Variants in NME7 observed in about 807,000 individuals in gnomAD.
NME7 encodes nucleoside diphosphate kinase 7.
Under a neutral mutation model 49.1 loss-of-function variants are expected in NME7, and 41 were observed. The observed-to-expected ratio is 0.83, with a 90% confidence interval of 0.65 to 1.08. NME7 has a LOEUF of 1.08. Among genes scored for constraint, NME7 ranks in the 50% least tolerant of loss-of-function variants. NME7 has a pLI of 0.00. For missense variants in NME7, 423 were observed against 463.4 expected, an observed-to-expected ratio of 0.91 and a Z score of 0.80; for synonymous variants, 139 against 150.6, an observed-to-expected ratio of 0.92 and a Z score of 0.56.
chr1:169,272,320 T>A (rs1289754113), intron 7 of NME7, among the ~76,000 whole-genome samples: 1 of 133,588 alleles, frequency 7.5e-6, no homozygotes, highest in African/African-American at 2.5e-5. Flanking sequence ...CTGGGACACA[T>A]GTGCATGATG....
chr1:169,229,406 C>A (rs1647496789), intron 10 of NME7, among the ~76,000 whole-genome samples: 1 of 152,332 alleles, frequency 6.6e-6, no homozygotes, highest in African/African-American at 2.4e-5. Context: ...TTATATCTCT[C>A]TTCCTTTAAG....
Position 169,235,201 on chromosome 1 carries a change from T to C in NME7, c.820-2A>G, listed in dbSNP as rs938760766. ...AACATTAACCCGATCCATATTGAAC[T>C]ATATTAAAAAATAAAACAAAACAAA... On this transcript the variant is annotated splice_acceptor_variant, in intron 8 of 11. Coordinates refer to ENST00000367811, the MANE Select transcript of NME7 (RefSeq NM_013330.5). LOFTEE classifies it high-confidence loss of function. 6.7e-7 allele frequency: 1 copy of C among 1,502,810 alleles called. No homozygotes were observed. Among genetic ancestry groups the C allele is most frequent in the African/African-American group, 1.4e-5 (1 of 71,482 alleles). The allele number at this position is 1,502,810 out of a possible 1,614,324, so 93.1% of individuals were successfully genotyped here.
At chr1:169,240,534 A>G (rs567615534) in intron 7 of NME7, among the ~76,000 whole-genome samples, 1 of 152,028 alleles carries the variant, frequency 6.6e-6, no homozygotes, top group Non-Finnish European at 1.5e-5. Context: ...GCAATGTATA[A>G]TCTAAAACCT....
chr1:169,265,200 C>T (rs1649283599), intron 7 of NME7, among the ~76,000 whole-genome samples: 1 of 132,814 alleles, frequency 7.5e-6, no homozygotes, highest in Non-Finnish European at 1.8e-5. Context: ...CATATCACCA[C>T]ATGATACATA....
intron 10 of NME7, among the ~76,000 whole-genome samples, chr1:169,179,668 A>T (rs1415801462): frequency 6.6e-6 from 1 of 152,222 alleles, no homozygotes; most frequent in Non-Finnish European, 1.5e-5. Context: ...ACATGGATGG[A>T]GCTGGAGGCC....
At chr1:169,293,153 G>T (rs962146315) in intron 6 of NME7, among the ~76,000 whole-genome samples, 3 of 151,818 alleles carry the variant, frequency 2.0e-5, no homozygotes, top group African/African-American at 7.3e-5. Context: ...AAAAATAGCT[G>T]GACATGGTGG....
intron 1 of NME7, among the ~76,000 whole-genome samples, chr1:169,366,332 C>G (rs1229991794): frequency 1.3e-5 from 2 of 152,092 alleles, no homozygotes; most frequent in African/African-American, 4.8e-5. Context: ...TTTCTTGAAG[C>G]CATTAAAGAA....
chr1:169,187,715 CTA>C, intron 10 of NME7, among the ~76,000 whole-genome samples: 1 of 152,242 alleles, frequency 6.6e-6, no homozygotes, highest in African/African-American at 2.4e-5. Context: ...ATTTGCCAGT[CTA>C]TGTCTTTTAA....
chr1:169,329,439 A>T (rs2101945015), intron 1 of NME7, among the ~76,000 whole-genome samples: 1 of 151,100 alleles, frequency 6.6e-6, no homozygotes, highest in East Asian at 2.0e-4. Context: ...AACCCAAGAA[A>T]TTCAAGATAA....
Position 169,132,807 on chromosome 1 carries a change from A to T in NME7, c.1109T>A (p.Phe370Tyr), listed in dbSNP as rs1373682556. The T allele has an allele frequency of 6.2e-7, 1 of 1,613,294 alleles. No homozygotes were observed. The change falls in exon 12 of 12, where the codon TTC becomes TAC. Residue 370 changes from phenylalanine (F) to tyrosine (Y), a missense_variant. Phe to Tyr is a conservative substitution (Grantham distance 22). Transcript: ENST00000367811. ...PEDGLLEVQY[F>Y]FKILDN is the part of the protein sequence containing the mutation. Reference sequence around the variant, plus strand: ...CCACTAATTATCCAAGATCTTGAAGAAGTATTGAACCTGAAACGGAGAAAC... The same window carrying T: ...CCACTAATTATCCAAGATCTTGAAGTAGTATTGAACCTGAAACGGAGAAAC...
chr1:169,279,167 C>G (rs985542844), intron 7 of NME7, among the ~76,000 whole-genome samples: 19 of 152,104 alleles, frequency 1.2e-4, no homozygotes, highest in Admixed American at 5.9e-4. Context: ...GCAGTCTGCC[C>G]GTTCTCAGAT....
chr1:169,259,816 C>T lies in NME7; in HGVS notation c.755-22129G>A, dbSNP rs1649105734. On this transcript the variant is annotated intron_variant, in intron 7 of 11. Coordinates refer to ENST00000367811, the MANE Select transcript of NME7 (RefSeq NM_013330.5). ...AAATTCAGGATATTCTGAAGAATAA[C>T]TTTTAAAAACGGAGAAGAAAGTCTG... Among the ~76,000 whole-genome samples the T allele has an allele frequency of 1.5e-5, 2 of 133,904 alleles. 1 individual carries two copies. Among genetic ancestry groups the T allele is most frequent in the African/African-American group, 5.1e-5 (2 of 39,586 alleles). The allele number at this position is 133,904 out of a possible 152,430, so 87.8% of individuals were successfully genotyped here.
In NME7 at chr1:169,315,041, T is replaced by C. The variant is rs370978202; in HGVS notation, c.279-4961A>G. Among the ~76,000 whole-genome samples, 10 of 152,044 alleles carry C rather than the reference T, an allele frequency of 6.6e-5. No homozygotes were observed. In the East Asian group the frequency reaches 1.9e-3, roughly 29 times the overall value. ...ACCTAGTAACATACCCTTAAAATTA[T>C]AATATAAAGACTAACATAACTACAA... is the stretch of plus-strand genomic sequence containing the variant. On this transcript the variant is annotated intron_variant, in intron 3 of 11. Transcript: ENST00000367811.
chr1:169,357,434 T>A (rs1476873709), intron 1 of NME7, among the ~76,000 whole-genome samples: 1 of 152,074 alleles, frequency 6.6e-6, no homozygotes, highest in Non-Finnish European at 1.5e-5. Flanking sequence ...TAATAATGCA[T>A]GCCACAACCT....
At chr1:169,139,610 A>G (rs1557958584) in intron 11 of NME7, among the ~76,000 whole-genome samples, 1 of 152,264 alleles carries the variant, frequency 6.6e-6, no homozygotes, top group African/African-American at 2.4e-5. Flanking sequence ...ATTATATGGA[A>G]GACATTTAAA....
chr1:169,155,136 G>C (rs900773184), intron 11 of NME7, among the ~76,000 whole-genome samples: 1 of 152,002 alleles, frequency 6.6e-6, no homozygotes, highest in Non-Finnish European at 1.5e-5. Flanking sequence ...ACCACTCGCA[G>C]GACTCAACTA....
At chr1:169,243,854 T>C (rs574962548) in intron 7 of NME7, among the ~76,000 whole-genome samples, 69 of 152,290 alleles carry the variant, frequency 4.5e-4, no homozygotes, top group Admixed American at 1.3e-3. Flanking sequence ...TAGTATAATC[T>C]TCATTTTATA....
At chr1:169,204,150 C>T (rs1233832507) in intron 10 of NME7, among the ~76,000 whole-genome samples, 1 of 151,856 alleles carries the variant, frequency 6.6e-6, no homozygotes, top group Non-Finnish European at 1.5e-5. Flanking sequence ...GTCACCACAC[C>T]AGGCCAGGGA....
At chr1:169,303,387 G>T in intron 4 of NME7, 192 bp from the exon 5 acceptor site, 4 of 232,272 alleles carry the variant, frequency 1.7e-5, no homozygotes, top group East Asian at 9.0e-5. Flanking sequence ...TAATATCAAT[G>T]TAAATAAAAA....
Sources: gnomAD v4.1 joint callset for allele counts (sites outside exome capture counted in the v4.1 genomes callset) on GRCh38, gnomAD v4.1.1 for gene constraint, MANE v1.5 for transcripts, NCBI Gene and HGNC (gene_info 2026-07-23, HGNC 2026-07-21) for gene names.